Variants in GALNT16 observed in about 807,000 individuals in gnomAD.
GALNT16 encodes the protein polypeptide N-acetylgalactosaminyltransferase 16.
GALNT16 carries 40 observed loss-of-function variants against 76.1 expected under a neutral mutation model. The ratio of observed to expected loss-of-function variants is 0.53; its 90% CI spans 0.41 to 0.68. The LOEUF (loss-of-function observed/expected upper bound fraction) is 0.68, where lower values mean the gene tolerates loss of function less well. Among genes scored for constraint, GALNT16 ranks in the 30% least tolerant of loss-of-function variants. The pLI is 0.00. For synonymous variants in GALNT16, 276 were observed against 285.2 expected (o/e 0.97, Z 0.32); for missense variants, 621 against 731.9 (o/e 0.85, Z 1.75).
chr14:69,324,326 C>T (rs189960788), intron 2 of GALNT16, among the ~76,000 whole-genome samples: 7 of 152,228 alleles, frequency 4.6e-5, no homozygotes, highest in South Asian at 2.1e-4. Flanking sequence ...TTTTCCCTCT[C>T]GCACATACCC....
intron 5 of GALNT16, among the ~76,000 whole-genome samples, chr14:69,326,729 T>A (rs2140172463): frequency 6.6e-6 from 1 of 152,344 alleles, no homozygotes; most frequent in African/African-American, 2.4e-5. Flanking sequence ...ACAGCCCCTT[T>A]CCTGAGGTCT....
chr14:69,363,793 C>G, the GALNT16 span, among the ~76,000 whole-genome samples: 1 of 151,214 alleles, frequency 6.6e-6, no homozygotes, highest in Non-Finnish European at 1.5e-5. Context: ...AAAGGGGGCA[C>G]GCATTCAAGG....
At chr14:69,346,918 C>A in intron 12 of GALNT16, 122 bp from the exon 13 acceptor site, 1 of 1,190,420 alleles carries the variant, frequency 8.4e-7, no homozygotes. Flanking sequence ...CAGGCTGCTC[C>A]CGGGCCCCTT....
chr14:69,366,903 C>T, the GALNT16 span, among the ~76,000 whole-genome samples: 2 of 152,156 alleles, frequency 1.3e-5, no homozygotes, highest in African/African-American at 4.8e-5. Context: ...CAGTCCCACA[C>T]AGTGCAATAT....
the GALNT16 span, among the ~76,000 whole-genome samples, chr14:69,362,648 T>C: frequency 6.6e-6 from 1 of 152,042 alleles, no homozygotes; most frequent in African/African-American, 2.4e-5. Context: ...AACTGAAAAA[T>C]GGGTATGATG....
At chr14:69,363,303 C>G in the GALNT16 span, among the ~76,000 whole-genome samples, 52 of 152,178 alleles carry the variant, frequency 3.4e-4, 1 homozygote, top group Non-Finnish European at 1.3e-4. Context: ...CAGATATTAT[C>G]AACAACACAG....
At chr14:69,372,142 G>A in the GALNT16 span, among the ~76,000 whole-genome samples, 1 of 152,116 alleles carries the variant, frequency 6.6e-6, no homozygotes, top group African/African-American at 2.4e-5. Context: ...GTGGCCTGCA[G>A]TGAGGAGTTA....
downstream of GALNT16, chr14:69,359,137 TC>T (rs1447245866): frequency 3.9e-5 from 6 of 152,298 alleles, no homozygotes; most frequent in African/African-American, 1.4e-4. Context: ...TATGGTGTGT[TC>T]CTGTCTTCTC....
the GALNT16 span, among the ~76,000 whole-genome samples, chr14:69,385,979 A>C: frequency 6.6e-6 from 1 of 151,900 alleles, no homozygotes. Flanking sequence ...CATGCTAGGC[A>C]CTCCTACTTC....
the GALNT16 span, among the ~76,000 whole-genome samples, chr14:69,368,677 C>T: frequency 6.6e-6 from 1 of 152,296 alleles, no homozygotes; most frequent in African/African-American, 2.4e-5. Context: ...TACCAGGAGG[C>T]AGGAATCACT....
rs191208444 is a variant in GALNT16, at chr14:69,268,468, G to T, written c.177+8001G>T. ...ACACACTGAGAAGTGACAGCTGATA[G>T]CAAAGGCCTAGCCAGGAAGGGCCGT... is the stretch of plus-strand genomic sequence containing the variant. On this transcript the variant is annotated intron_variant, in intron 1 of 14. Transcript: ENST00000448469. 3.8e-3 allele frequency among the ~76,000 whole-genome samples: 574 copies of T among 152,298 alleles called. 5 individuals carry two copies. Among genetic ancestry groups the T allele is most frequent in the African/African-American group, 0.013 (553 of 41,562 alleles).
intron 9 of GALNT16, among the ~76,000 whole-genome samples, chr14:69,334,269 G>A (rs909301554): frequency 2.0e-5 from 3 of 152,196 alleles, no homozygotes; most frequent in Admixed American, 2.0e-4. Context: ...GCTGGAGGGG[G>A]CTGGACCCTC....
chr14:69,354,029 C>G lies in GALNT16; in HGVS notation c.*1861C>G, dbSNP rs752659118. On this transcript the variant is annotated 3_prime_UTR_variant, in exon 15 of 15. Transcript: ENST00000448469. ...CTGGACTTGCCAGCGCAGGCCCCTT[C>G]GCTCCCAGGGCCATGCTTTGCCTGT... The G allele has an allele frequency of 6.6e-6, 1 of 152,372 alleles. No homozygotes were observed. Among genetic ancestry groups the G allele is most frequent in the Non-Finnish European group, 1.5e-5 (1 of 68,120 alleles). The allele number at this position is 152,372 out of a possible 1,614,324, so 9.4% of individuals were successfully genotyped here.
upstream of GALNT16, chr14:69,260,136 A>ACTCCCCCCC: frequency 1.8e-5 from 2 of 113,992 alleles, no homozygotes; most frequent in South Asian, 4.3e-4. Flanking sequence ...TCTCCCTATC[A>ACTCCCCCCC]CCCCCCCGCC....
In GALNT16 at chr14:69,338,696, T is replaced by A; in HGVS notation, c.1013T>A (p.Val338Asp). The A allele has an allele frequency of 1.2e-6, 2 of 1,613,522 alleles. No individual in the cohort carries two copies. Among genetic ancestry groups the A allele is most frequent in the Non-Finnish European group, 1.7e-6 (2 of 1,179,800 alleles). Residue 338 changes from valine to aspartate, a missense_variant, in exon 10 of 15, where the codon GTC (valine) becomes GAC (aspartate). By Grantham distance (152) the Val-to-Asp change is radical. Transcript: ENST00000448469. The part of the protein sequence containing the change: ...VWMCGGSLEI[V>D]PCSRVGHVFR... ...ATGTGTGGTGGCAGTCTGGAGATCG[T>A]CCCCTGCAGCCGGGTGGGCCATGTC... is the stretch of plus-strand genomic sequence containing the variant.
chr14:69,283,451 A>G (rs935846915), intron 1 of GALNT16, among the ~76,000 whole-genome samples: 2 of 152,168 alleles, frequency 1.3e-5, no homozygotes, highest in Non-Finnish European at 1.5e-5. Context: ...GGTTGCTAGG[A>G]TAATGGTTTG....
At chr14:69,274,622 C>T (rs1384263397) in intron 1 of GALNT16, among the ~76,000 whole-genome samples, 1 of 152,128 alleles carries the variant, frequency 6.6e-6, no homozygotes, top group African/African-American at 2.4e-5. Flanking sequence ...TGGTTGGCTT[C>T]CCCCAGAGCA....
At chr14:69,349,312 G>C (rs889352697) in intron 14 of GALNT16, 1 of 151,164 alleles carries the variant, frequency 6.6e-6, no homozygotes. Flanking sequence ...AATTATCTCC[G>C]AGCAAAGCCT....
At chr14:69,274,635 C>T (rs1173606825) in intron 1 of GALNT16, among the ~76,000 whole-genome samples, 1 of 152,176 alleles carries the variant, frequency 6.6e-6, no homozygotes, top group African/African-American at 2.4e-5. Context: ...CCAGAGCAAG[C>T]AATCTGGGAG....
Sources: gnomAD v4.1 joint callset for allele counts (sites outside exome capture counted in the v4.1 genomes callset) on GRCh38, gnomAD v4.1.1 for gene constraint, MANE v1.5 for transcripts, NCBI Gene and HGNC (gene_info 2026-07-23, HGNC 2026-07-21) for gene names.